Variants in CDKAL1 observed in about 807,000 individuals in gnomAD.
The protein encoded by CDKAL1 is CDKAL1 threonylcarbamoyladenosine tRNA methylthiotransferase.
CDKAL1 carries 32 observed loss-of-function variants against 68.2 expected under a neutral mutation model. The observed-to-expected ratio is 0.47, with a 90% CI of 0.35 to 0.63. The LOEUF (loss-of-function observed/expected upper bound fraction) is 0.63, where lower values mean the gene tolerates loss of function less well. Ranked by LOEUF, CDKAL1 falls within the 30% of genes least tolerant of loss-of-function variation. The probability of loss-of-function intolerance (pLI) is 0.00; values close to 1 mark genes in which losing one functional copy is unlikely to be tolerated. For synonymous variants in CDKAL1, 234 were observed against 244.3 expected (o/e 0.96, Z 0.39); for missense variants, 606 against 696.7 (o/e 0.87, Z 1.47).
chr6:20,590,819 A>G (rs1286965809), intron 4 of CDKAL1, among the ~76,000 whole-genome samples: 1 of 152,172 alleles, frequency 6.6e-6, no homozygotes, highest in Non-Finnish European at 1.5e-5. Flanking sequence ...ATAAACATAC[A>G]TGTGCATCTG....
intron 9 of CDKAL1, among the ~76,000 whole-genome samples, chr6:20,881,945 G>T (rs911721282): frequency 1.3e-5 from 2 of 151,968 alleles, no homozygotes; most frequent in African/African-American, 4.8e-5. Context: ...CTCTCTTATC[G>T]CTGCAAGTAC....
At chr6:20,738,178 A>G (rs9368229) in intron 5 of CDKAL1, among the ~76,000 whole-genome samples, 40,242 of 152,028 alleles carry the variant, frequency 0.26, 5,431 homozygotes, top group South Asian at 0.39. Context: ...CGCAGTGCCC[A>G]AAGACTCAGC....
chr6:20,790,608 G>T (rs1025001699), intron 8 of CDKAL1, among the ~76,000 whole-genome samples: 4 of 152,154 alleles, frequency 2.6e-5, no homozygotes, highest in Non-Finnish European at 4.4e-5. Context: ...CACTGGAGGC[G>T]CCCTGCCCAC....
At chr6:20,824,811 A>G (rs1777434030) in intron 8 of CDKAL1, among the ~76,000 whole-genome samples, 1 of 135,976 alleles carries the variant, frequency 7.4e-6, no homozygotes, top group African/African-American at 2.6e-5. Flanking sequence ...GCCATATTCC[A>G]GTCTGTTGTT....
At chr6:21,033,327 C>T (rs1374062446) in intron 11 of CDKAL1, among the ~76,000 whole-genome samples, 1 of 152,140 alleles carries the variant, frequency 6.6e-6, no homozygotes, top group Non-Finnish European at 1.5e-5. Flanking sequence ...GCATAGGAGA[C>T]TTGCTGAGAT....
chr6:20,812,449 C>T (rs953550448), intron 8 of CDKAL1, among the ~76,000 whole-genome samples: 1 of 152,162 alleles, frequency 6.6e-6, no homozygotes, highest in South Asian at 2.1e-4. Flanking sequence ...GTCCGACTTA[C>T]GTATACGTCC....
intron 9 of CDKAL1, among the ~76,000 whole-genome samples, chr6:20,849,329 A>G (rs1323652352): frequency 6.6e-6 from 1 of 151,648 alleles, no homozygotes; most frequent in Non-Finnish European, 1.5e-5. Flanking sequence ...CACGCCTGTA[A>G]TCCCAGCACT....
chr6:20,540,826 G>T (rs1029895899), intron 2 of CDKAL1, among the ~76,000 whole-genome samples: 1 of 152,186 alleles, frequency 6.6e-6, no homozygotes, highest in Non-Finnish European at 1.5e-5. Flanking sequence ...GCAGTTGAAC[G>T]TCTGAGTCTG....
At chr6:21,151,948 A>G (rs1007829137) in intron 13 of CDKAL1, among the ~76,000 whole-genome samples, 1 of 152,014 alleles carries the variant, frequency 6.6e-6, no homozygotes, top group African/African-American at 2.4e-5. Context: ...AGCCTTTGCC[A>G]TTTTCAAGGC....
intron 4 of CDKAL1, among the ~76,000 whole-genome samples, chr6:20,621,747 C>G (rs1314279343): frequency 6.7e-6 from 1 of 150,160 alleles, no homozygotes; most frequent in Non-Finnish European, 1.5e-5. Flanking sequence ...GTGTCAGTCG[C>G]TCCTGTGTCC....
At chr6:21,063,146 C>T (rs1287967157) in intron 11 of CDKAL1, among the ~76,000 whole-genome samples, 2 of 152,150 alleles carry the variant, frequency 1.3e-5, no homozygotes, top group Non-Finnish European at 2.9e-5. Flanking sequence ...AACTCCTGAC[C>T]TCAGGTGATC....
At chr6:20,788,658 G>GATTTTCTTT (rs1775773057) in intron 8 of CDKAL1, among the ~76,000 whole-genome samples, 1 of 152,158 alleles carries the variant, frequency 6.6e-6, no homozygotes, top group African/African-American at 2.4e-5. Flanking sequence ...GTATAGCTTA[G>GATTTTCTTT]CACATTAATA....
chr6:20,909,859 A>G (rs1436510461), intron 9 of CDKAL1, among the ~76,000 whole-genome samples: 1 of 152,176 alleles, frequency 6.6e-6, no homozygotes, highest in Non-Finnish European at 1.5e-5. Context: ...CCTTGGTCAT[A>G]GTGTACTATG....
At chr6:21,078,692 C>T (rs985399121) in intron 12 of CDKAL1, among the ~76,000 whole-genome samples, 2 of 152,112 alleles carry the variant, frequency 1.3e-5, no homozygotes, top group African/African-American at 4.8e-5. Context: ...CAGATTCCTT[C>T]CTCGTCCTCT....
At chr6:21,125,485 C>A (rs1774956208) in intron 13 of CDKAL1, among the ~76,000 whole-genome samples, 1 of 152,064 alleles carries the variant, frequency 6.6e-6, no homozygotes. Context: ...CCAGCCTGAC[C>A]AACATGGAGA....
chr6:20,684,939 A>G (rs1457163469), intron 5 of CDKAL1, among the ~76,000 whole-genome samples: 3 of 152,094 alleles, frequency 2.0e-5, no homozygotes, highest in Admixed American at 1.3e-4. Context: ...ATCTTTTGCA[A>G]GTATTTTCTT....
chr6:20,593,622 AC>A (rs1297037114), intron 4 of CDKAL1, among the ~76,000 whole-genome samples: 2 of 148,206 alleles, frequency 1.3e-5, no homozygotes, highest in African/African-American at 5.0e-5. Flanking sequence ...AAAAAAAGAA[AC>A]CCAGCTCCTG....
chr6:20,803,015 C>T (rs1458882133), intron 8 of CDKAL1, among the ~76,000 whole-genome samples: 1 of 152,210 alleles, frequency 6.6e-6, no homozygotes, highest in Non-Finnish European at 1.5e-5. Context: ...CTACAAGGAA[C>T]TGACAGAATG....
chr6:20,728,134 T>A (rs911416415), intron 5 of CDKAL1, among the ~76,000 whole-genome samples: 1 of 152,232 alleles, frequency 6.6e-6, no homozygotes, highest in African/African-American at 2.4e-5. Flanking sequence ...GTACAAATAA[T>A]GTCCTAACCT....
Sources: gnomAD v4.1 joint callset for allele counts (sites outside exome capture counted in the v4.1 genomes callset) on GRCh38, gnomAD v4.1.1 for gene constraint, MANE v1.5 for transcripts, NCBI Gene and HGNC (gene_info 2026-07-23, HGNC 2026-07-21) for gene names.